NCOR1: variants seen among roughly 807,000 people sequenced by gnomAD.
NCOR1 encodes the protein protein phosphatase 1, regulatory subunit 109.
Under a neutral mutation model 288.1 loss-of-function variants are expected in NCOR1, and 63 were observed. The ratio of observed to expected loss-of-function variants is 0.22; its 90% CI spans 0.18 to 0.27. The LOEUF is 0.27. Ranked by LOEUF, NCOR1 falls within the 10% of genes least tolerant of loss-of-function variation. The pLI is 1.00. For missense variants in NCOR1, 2,397 were observed against 3,019.2 expected, an observed-to-expected ratio of 0.79 and a Z score of 4.83; for synonymous variants, 1,007 against 1,065.9, an observed-to-expected ratio of 0.94 and a Z score of 1.08.
At chr17:16,069,200 A>G (rs1375629208) in intron 31 of NCOR1, among the ~76,000 whole-genome samples, 7 of 152,204 alleles carry the variant, frequency 4.6e-5, no homozygotes, top group Non-Finnish European at 8.8e-5. Flanking sequence ...GCCTGCCCAA[A>G]GAAAGAAATC....
Position 16,142,909 on chromosome 17 carries a change from C to T in NCOR1, c.1173+697G>A, listed in dbSNP as rs373577630. On this transcript the variant is annotated intron_variant, in intron 11 of 45. Transcript: ENST00000268712. ...GAAATGCCTGAAAAACAAAGTAATG[C>T]CACTTGCTACAACACAGTATCTTCA... 1.5e-4 allele frequency among the ~76,000 whole-genome samples: 23 copies of T among 152,268 alleles called. 1 individual carries two copies. In the East Asian group the frequency reaches 2.9e-3, roughly 19 times the overall value.
At chr17:16,038,729 CTTTT>C (rs898611550) in intron 44 of NCOR1, among the ~76,000 whole-genome samples, 1 of 152,032 alleles carries the variant, frequency 6.6e-6, no homozygotes, top group Non-Finnish European at 1.5e-5. Flanking sequence ...TTTTCCTACT[CTTTT>C]TTTATGGCTT....
At chr17:16,175,081 T>C (rs922783733) in intron 3 of NCOR1, among the ~76,000 whole-genome samples, 5 of 151,828 alleles carry the variant, frequency 3.3e-5, no homozygotes, top group African/African-American at 1.2e-4. Context: ...AAGAAATCTT[T>C]GTAGGGCAAG....
chr17:16,044,453 G>A (rs1273599084), intron 42 of NCOR1: 1 of 472,384 alleles, frequency 2.1e-6, no homozygotes, highest in African/African-American at 2.0e-5. Context: ...AGGATCAGGA[G>A]ACTAGTAGAT....
At chr17:16,049,138 A>G (rs942449198) in intron 40 of NCOR1, 150 bp from the exon 41 acceptor site, 17 of 638,404 alleles carry the variant, frequency 2.7e-5, no homozygotes, top group Non-Finnish European at 3.7e-5. Flanking sequence ...GGTATTCACT[A>G]TATACATAGT....
Position 16,061,397 on chromosome 17 carries a change from A to C in NCOR1, c.5881+4T>G. The C allele has an allele frequency of 6.2e-7, 1 of 1,612,836 alleles. No homozygotes were observed. Among genetic ancestry groups the C allele is most frequent in the Non-Finnish European group, 8.5e-7 (1 of 1,179,080 alleles). On this transcript the variant is annotated splice_donor_region_variant and intron_variant, in intron 37 of 45. Coordinates refer to ENST00000268712, the MANE Select transcript of NCOR1 (RefSeq NM_006311.4). ...CATTGTGAAACTCGGATTGAGATAC[A>C]TACAGCTACTAGAAGAGTCTGAACT...
At chr17:16,204,889 C>G (rs1437558083) in intron 1 of NCOR1, among the ~76,000 whole-genome samples, 1 of 152,186 alleles carries the variant, frequency 6.6e-6, no homozygotes, top group Non-Finnish European at 1.5e-5. Context: ...CATAACATTA[C>G]AAAAGAATAG....
intron 14 of NCOR1, among the ~76,000 whole-genome samples, chr17:16,136,418 C>G (rs2076402221): frequency 6.6e-6 from 1 of 152,178 alleles, no homozygotes. Context: ...TCTTGAACTC[C>G]TGGGCTCAGG....
intron 1 of NCOR1, among the ~76,000 whole-genome samples, chr17:16,196,079 C>G (rs1262866868): frequency 6.7e-6 from 1 of 149,886 alleles, no homozygotes; most frequent in African/African-American, 2.4e-5. Flanking sequence ...CTATTATTAC[C>G]TAATTGGGTG....
rs536280103 is a variant in NCOR1, at chr17:16,044,778, A to C, written c.6679+2173T>G. 6.9e-6 allele frequency: 7 copies of C among 1,016,878 alleles called. No homozygotes were observed. In the South Asian group the frequency reaches 8.9e-5, roughly 13 times the overall value. 63.0% of individuals were successfully genotyped at this position (1,016,878 alleles called of 1,614,324 possible). ...AGCTTGTTTGCAATGGCCCTGGCCA[A>C]TGTCAACATTGGGAGCCTCATCTAC... On this transcript the variant is annotated intron_variant, in intron 42 of 45. Transcript: ENST00000268712.
chr17:16,071,735 C>G (rs2061786169), intron 29 of NCOR1, 70 bp from the exon 30 acceptor site: 1 of 1,399,990 alleles, frequency 7.1e-7, no homozygotes, highest in South Asian at 1.4e-5. Context: ...GAACTGTGCA[C>G]TTAAAAATGG....
rs1973851119 is a variant in NCOR1 at position 16,034,844 on chromosome 17, T to G, written c.7056A>C (p.Ser2352=). Residue 2352 remains serine (S), a synonymous_variant, in exon 45 of 46, where the codon TCA becomes TCC. Coordinates refer to ENST00000268712, the MANE Select transcript of NCOR1 (RefSeq NM_006311.4). ...CCCCTTCTGAATGTACAGAGGAGAC[T>G]GAAGAGGGCCGTTCCGTTCCTAAGT... ...QGYLGTERPS[S]VSSVHSEGDY... The G allele has an allele frequency of 1.6e-5, 26 of 1,614,122 alleles. No individual in the cohort carries two copies. The highest frequency in any genetic ancestry group is 2.2e-5 in the Non-Finnish European group (26 of 1,180,002).
intron 18 of NCOR1, among the ~76,000 whole-genome samples, chr17:16,111,364 G>A (rs1310981231): frequency 6.6e-6 from 1 of 152,176 alleles, no homozygotes; most frequent in East Asian, 1.9e-4. Context: ...CACACTGGGA[G>A]GCCAAGGCGG....
At position 16,070,214 on chromosome 17, in the gene NCOR1, A is replaced by G. The variant is rs772644950; in HGVS notation, c.4464T>C (p.Tyr1488=). ...GTGAGCCTCTGGACATGGTGTTTTG[A>G]TAACTCACAGGGGTCCTCCGTGCAC... The part of the protein sequence containing the change: ...DTSARRTPVS[Y]QNTMSRGSPM... Residue 1488 remains tyrosine (Y), a synonymous_variant, in exon 31 of 46, where the codon TAT becomes TAC. Coordinates refer to ENST00000268712, the MANE Select transcript of NCOR1 (RefSeq NM_006311.4). 9.9e-6 allele frequency: 16 copies of G among 1,613,410 alleles called. No individual in the cohort carries two copies. In the South Asian group the frequency reaches 1.6e-4, roughly 17 times the overall value.
chr17:16,196,973 T>C (rs2089962314), intron 1 of NCOR1, among the ~76,000 whole-genome samples: 1 of 151,698 alleles, frequency 6.6e-6, no homozygotes, highest in Non-Finnish European at 1.5e-5. Context: ...GCCGTGATTG[T>C]GCCACTGCAC....
At position 16,127,319 on chromosome 17, in the gene NCOR1, A is replaced by G. The variant is rs543480857; in HGVS notation, c.1510-1113T>C. Among the ~76,000 whole-genome samples the G allele has an allele frequency of 9.4e-5, 5 of 53,444 alleles. 1 individual carries two copies. The highest frequency in any genetic ancestry group is 2.3e-4 in the African/African-American group (5 of 22,098). The allele number at this position is 53,444 out of a possible 152,430, so 35.1% of individuals were successfully genotyped here. A position where few individuals can be genotyped will look rare whatever the true frequency, so the allele number is the denominator to read the frequency against. ...TATGTATGTATATATACATGTATGT[A>G]TATATGTATGTATATATACATGTAT... On this transcript the variant is annotated intron_variant, in intron 14 of 45. Transcript: ENST00000268712.
chr17:16,127,268 TGTATGTATATATAC>T (rs1174400049), intron 14 of NCOR1, among the ~76,000 whole-genome samples: 4 of 104,704 alleles, frequency 3.8e-5, no homozygotes, highest in African/African-American at 1.0e-4. Context: ...TGTGTATATA[TGTATGTATATATAC>T]GTGTATATAT....
intron 10 of NCOR1, among the ~76,000 whole-genome samples, chr17:16,144,925 T>C (rs1268847928): frequency 6.6e-6 from 1 of 151,874 alleles, no homozygotes; most frequent in Non-Finnish European, 1.5e-5. Flanking sequence ...CCTCTCCCTC[T>C]CTCCTTCTCC....
chr17:16,061,821 G>C lies in NCOR1; in HGVS notation c.5461C>G (p.Leu1821Val). 1 of 1,614,234 alleles carries C rather than the reference G, an allele frequency of 6.2e-7. No individual in the cohort carries two copies. Among genetic ancestry groups the C allele is most frequent in the Non-Finnish European group, 8.5e-7 (1 of 1,180,036 alleles). Residue 1821 changes from leucine (L) to valine (V), a missense_variant, in exon 37 of 46, where the codon CTG becomes GTG. Transcript: ENST00000268712. ...GCTGCAGCATCCACAAGAGCAGCCAGGGCATCCGCAGCAGTGTTGTAACGG... is the reference window on the plus strand; with the variant it reads ...GCTGCAGCATCCACAAGAGCAGCCACGGCATCCGCAGCAGTGTTGTAACGG... ...ASRYNTAADA[L>V]AALVDAAASA... is the part of the protein sequence containing the mutation.
Sources: allele counts gnomAD v4.1 joint callset (sites outside exome capture counted in the v4.1 genomes callset), GRCh38; gene constraint gnomAD v4.1.1; transcripts MANE v1.5; gene names NCBI Gene and HGNC (gene_info 2026-07-23, HGNC 2026-07-21).